Variants in RSPO3 observed in about 807,000 individuals in gnomAD.
The protein encoded by RSPO3 is R-spondin 3, also known as R-spondin-3.
In RSPO3, 17 loss-of-function variants were observed where a neutral mutation model predicts 36.5. The ratio of observed to expected loss-of-function variants is 0.47; its 90% CI spans 0.32 to 0.70. The LOEUF is 0.70. Among genes scored for constraint, RSPO3 ranks in the 30% least tolerant of loss-of-function variants. RSPO3 has a pLI of 0.04. For missense variants in RSPO3, 294 were observed against 322.5 expected (o/e 0.91, Z 0.68); for synonymous variants, 108 against 107.0 (o/e 1.01, Z -0.06).
Position 127,155,226 on chromosome 6 carries a change from T to C in RSPO3, c.437-15T>C. ...TTGTAAGCCAGCTGAGTCTGTTTCTTCTGTTCTGTTTCAGTGCACTGTGAG... is the reference window on the plus strand; with the variant it reads ...TTGTAAGCCAGCTGAGTCTGTTTCTCCTGTTCTGTTTCAGTGCACTGTGAG... On this transcript the variant is annotated splice_polypyrimidine_tract_variant and intron_variant, in intron 3 of 4. Transcript: ENST00000356698. 6.2e-7 allele frequency: 1 copy of C among 1,613,250 alleles called. No individual in the cohort carries two copies. Among genetic ancestry groups the C allele is most frequent in the Non-Finnish European group, 8.5e-7 (1 of 1,179,320 alleles).
At chr6:127,121,419 T>C (rs577900685) in intron 1 of RSPO3, among the ~76,000 whole-genome samples, 1 of 152,280 alleles carries the variant, frequency 6.6e-6, no homozygotes, top group East Asian at 1.9e-4. Flanking sequence ...CTGTTTGTGT[T>C]GAGGGGATGA....
intron 4 of RSPO3, among the ~76,000 whole-genome samples, chr6:127,166,754 G>A (rs1325302243): frequency 1.3e-5 from 2 of 151,876 alleles, no homozygotes; most frequent in Non-Finnish European, 2.9e-5. Context: ...CAGTTCACAC[G>A]TGGAATATAT....
At position 127,119,017 on chromosome 6, in the gene RSPO3, T is replaced by G; in HGVS notation, c.-176T>G. ...GAAAGTACAATAGTTGGTTTCCCTG[T>G]CCACCCGCCCCACTTCGCTTGCCAT... On this transcript the variant is annotated 5_prime_UTR_variant, in exon 1 of 5. Transcript: ENST00000356698. 1 of 501,512 alleles carries G rather than the reference T, an allele frequency of 2.0e-6. No individual in the cohort carries two copies. Among genetic ancestry groups the G allele is most frequent in the Non-Finnish European group, 3.5e-6 (1 of 285,086 alleles). The allele number at this position is 501,512 out of a possible 1,614,324, so 31.1% of individuals were successfully genotyped here.
intron 4 of RSPO3, among the ~76,000 whole-genome samples, chr6:127,160,047 C>A (rs1432635093): frequency 6.6e-6 from 1 of 152,152 alleles, no homozygotes; most frequent in Admixed American, 6.5e-5. Context: ...TTTCCCTCCA[C>A]TAAAATTAAT....
chr6:127,197,249 T>C lies in RSPO3; in HGVS notation c.*1242T>C, dbSNP rs533981444. The C allele has an allele frequency of 2.7e-6, 2 of 728,018 alleles. No homozygotes were observed. The highest frequency in any genetic ancestry group is 4.4e-6 in the Non-Finnish European group (2 of 459,376). 45.1% of individuals were successfully genotyped at this position (728,018 alleles called of 1,614,324 possible). A position where few individuals can be genotyped will look rare whatever the true frequency, so the allele number is the denominator to read the frequency against. ...TTATAGCGTATTAGGAGATATTTAT[T>C]CCATTTTCTTATTTTAATCAACATT... On this transcript the variant is annotated 3_prime_UTR_variant, in exon 5 of 5. Coordinates refer to ENST00000356698, the MANE Select transcript of RSPO3 (RefSeq NM_032784.5).
At chr6:127,173,865 A>C (rs1450689857) in intron 4 of RSPO3, among the ~76,000 whole-genome samples, 1 of 151,900 alleles carries the variant, frequency 6.6e-6, no homozygotes, top group Admixed American at 6.6e-5. Flanking sequence ...AATGGTACAG[A>C]ATTTCTCCTA....
chr6:127,155,199 G>T, intron 3 of RSPO3, 42 bp from the exon 4 acceptor site: 1 of 1,585,164 alleles, frequency 6.3e-7, no homozygotes, highest in Non-Finnish European at 8.7e-7. Context: ...TAGTGAAAGT[G>T]GTTGTAAGCC....
intron 1 of RSPO3, among the ~76,000 whole-genome samples, chr6:127,136,468 A>G (rs569398620): frequency 6.6e-6 from 1 of 152,240 alleles, no homozygotes; most frequent in Non-Finnish European, 1.5e-5. Context: ...GGAAGGTTCA[A>G]ATCTGATCCT....
chr6:127,136,148 A>T (rs1301560001), intron 1 of RSPO3, among the ~76,000 whole-genome samples: 5 of 152,152 alleles, frequency 3.3e-5, no homozygotes, highest in Admixed American at 6.5e-5. Flanking sequence ...TACACAGCAG[A>T]TGGTTCCAAG....
intron 4 of RSPO3, among the ~76,000 whole-genome samples, chr6:127,190,359 C>T (rs1481105010): frequency 1.3e-5 from 2 of 151,990 alleles, no homozygotes; most frequent in Admixed American, 6.6e-5. Context: ...ACCTGGGAGG[C>T]AGAGGTTGCA....
At chr6:127,139,598 A>G (rs1774229099) in intron 1 of RSPO3, among the ~76,000 whole-genome samples, 1 of 152,028 alleles carries the variant, frequency 6.6e-6, no homozygotes, top group African/African-American at 2.4e-5. Flanking sequence ...AAAATTTCTA[A>G]TTATTTCTAA....
chr6:127,159,116 A>G (rs1774653675), intron 4 of RSPO3, among the ~76,000 whole-genome samples: 1 of 152,170 alleles, frequency 6.6e-6, no homozygotes. Context: ...AAACTGAAAC[A>G]GCTCAGGAAG....
chr6:127,144,643 G>GTTTTTTGTTTTTTT (rs1774344031), intron 1 of RSPO3, among the ~76,000 whole-genome samples: 2 of 99,130 alleles, frequency 2.0e-5, no homozygotes, highest in African/African-American at 8.3e-5. Flanking sequence ...GCTTCCCCTT[G>GTTTTTTGTTTTTTT]TTTTTTTTTT....
At chr6:127,164,616 A>AAACC (rs1441354255) in intron 4 of RSPO3, among the ~76,000 whole-genome samples, 1 of 152,002 alleles carries the variant, frequency 6.6e-6, no homozygotes, top group Non-Finnish European at 1.5e-5. Flanking sequence ...TCTGGAATTG[A>AAACC]ATTGTGCAGG....
intron 1 of RSPO3, among the ~76,000 whole-genome samples, chr6:127,134,642 A>C (rs1401828730): frequency 6.6e-6 from 1 of 152,194 alleles, no homozygotes; most frequent in Non-Finnish European, 1.5e-5. Flanking sequence ...TCAGTTGCCA[A>C]AATTCAGAGT....
intron 1 of RSPO3, among the ~76,000 whole-genome samples, chr6:127,127,957 T>C (rs1444260569): frequency 2.0e-5 from 3 of 152,098 alleles, no homozygotes; most frequent in Non-Finnish European, 4.4e-5. Context: ...ACCTGTCTTA[T>C]TGATGAGTTT....
intron 1 of RSPO3, among the ~76,000 whole-genome samples, chr6:127,124,714 C>T (rs947477808): frequency 9.9e-5 from 15 of 152,130 alleles, no homozygotes; most frequent in African/African-American, 2.6e-4. Flanking sequence ...CATAACTAAA[C>T]ACATGAAGTA....
At chr6:127,179,336 C>T (rs183777780) in intron 4 of RSPO3, among the ~76,000 whole-genome samples, 8 of 151,834 alleles carry the variant, frequency 5.3e-5, no homozygotes, top group Non-Finnish European at 8.8e-5. Flanking sequence ...TCTGATGCTC[C>T]GCTTCCTTTG....
At position 127,167,026 on chromosome 6, in the gene RSPO3, G is replaced by A. The variant is rs79508010; in HGVS notation, c.634+11588G>A. 2.2e-3 allele frequency among the ~76,000 whole-genome samples: 333 copies of A among 152,014 alleles called. 1 individual carries two copies. Among genetic ancestry groups the A allele is most frequent in the African/African-American group, 7.6e-3 (317 of 41,512 alleles). On this transcript the variant is annotated intron_variant, in intron 4 of 4. Coordinates refer to ENST00000356698, the MANE Select transcript of RSPO3 (RefSeq NM_032784.5). ...ATTAGAGATTAACCTTTTGTCATGT[G>A]CATAGCAAATATTTTTCTTATTCTA... is the stretch of plus-strand genomic sequence containing the variant.
Sources: allele counts gnomAD v4.1 joint callset (sites outside exome capture counted in the v4.1 genomes callset), GRCh38; gene constraint gnomAD v4.1.1; transcripts MANE v1.5; gene names NCBI Gene and HGNC (gene_info 2026-07-23, HGNC 2026-07-21).